Variants in MTA3 observed in about 807,000 individuals in gnomAD.
MTA3 encodes metastasis associated 1 family member 3.
MTA3 carries 34 observed loss-of-function variants against 83.5 expected under a neutral mutation model. The ratio of observed to expected loss-of-function variants is 0.41; its 90% CI spans 0.31 to 0.54. MTA3 has a LOEUF of 0.54. MTA3 is among the 20% of genes least tolerant of loss of function. The pLI is 0.33. For synonymous variants in MTA3, 303 were observed against 252.7 expected (o/e 1.20, Z -1.89); for missense variants, 761 against 726.4 (o/e 1.05, Z -0.55).
At chr2:42,525,947 A>C (rs554806649) in intron 2 of MTA3, among the ~76,000 whole-genome samples, 29 of 151,862 alleles carry the variant, frequency 1.9e-4, no homozygotes, top group African/African-American at 6.3e-4. Context: ...GGCATGAGCC[A>C]CCGCGCCTGC....
intron 6 of MTA3, 27 bp from the exon 7 acceptor site, chr2:42,656,173 G>T: frequency 2.0e-6 from 3 of 1,537,364 alleles, no homozygotes; most frequent in Non-Finnish European, 2.7e-6. Flanking sequence ...TCAGTAACAA[G>T]ACTCCATTTT....
In MTA3 at chr2:42,570,448, T is replaced by C; in HGVS notation, c.40T>C (p.Phe14Leu). The change falls in exon 2 of 17, where the codon TTT becomes CTT. Residue 14 changes from phenylalanine to leucine, a missense_variant. Phe to Leu is a conservative substitution (Grantham distance 22). Transcript: ENST00000405094. Reference protein sequence around the residue: ...NMYRVGDYVYFENSSSNPYLI... With the variant: ...NMYRVGDYVYLENSSSNPYLI... Reference sequence around the variant, plus strand: ...TCCTTTAATTACAGATTATGTCTACTTTGAGAATTCCTCCAGCAACCCATA... The same window carrying C: ...TCCTTTAATTACAGATTATGTCTACCTTGAGAATTCCTCCAGCAACCCATA... The C allele has an allele frequency of 6.5e-7, 1 of 1,539,594 alleles. No individual in the cohort carries two copies. The highest frequency in any genetic ancestry group is 8.8e-7 in the Non-Finnish European group (1 of 1,133,666).
intron 2 of MTA3, among the ~76,000 whole-genome samples, chr2:42,495,547 A>T (rs1176283931): frequency 6.6e-6 from 1 of 152,286 alleles, no homozygotes; most frequent in Non-Finnish European, 1.5e-5. Flanking sequence ...TTCAAGACAG[A>T]ATTGGAGGTG....
chr2:42,602,453 C>G (rs148113695), intron 3 of MTA3, among the ~76,000 whole-genome samples: 5 of 152,316 alleles, frequency 3.3e-5, no homozygotes, highest in African/African-American at 9.6e-5. Context: ...AAACTTGTCA[C>G]AGAAATTTTA....
intron 2 of MTA3, among the ~76,000 whole-genome samples, chr2:42,522,634 CA>C (rs1376335452): frequency 6.6e-6 from 1 of 151,516 alleles, no homozygotes; most frequent in Non-Finnish European, 1.5e-5. Flanking sequence ...CATCTCTACA[CA>C]AAAAAATAAA....
At chr2:42,594,715 T>TAC (rs1681504993) in intron 3 of MTA3, among the ~76,000 whole-genome samples, 2 of 39,638 alleles carry the variant, frequency 5.0e-5, no homozygotes, top group Non-Finnish European at 8.0e-5. Flanking sequence ...CATATATATA[T>TAC]ATATATATAT....
chr2:42,495,912 A>G (rs1674108777), intron 2 of MTA3, among the ~76,000 whole-genome samples: 1 of 152,164 alleles, frequency 6.6e-6, no homozygotes, highest in Non-Finnish European at 1.5e-5. Flanking sequence ...GGTCTTGAAG[A>G]TGGATTTGTT....
At chr2:42,505,110 G>A (rs570695633) in intron 2 of MTA3, among the ~76,000 whole-genome samples, 66 of 152,232 alleles carry the variant, frequency 4.3e-4, no homozygotes, top group African/African-American at 1.6e-3. Context: ...GAGATGAGAT[G>A]GGGTGGGACG....
Position 42,754,276 on chromosome 2 carries a change from C to T in MTA3, c.*877C>T, listed in dbSNP as rs1013053331. 3 of 985,390 alleles carry T rather than the reference C, an allele frequency of 3.0e-6. No individual in the cohort carries two copies. Among genetic ancestry groups the T allele is most frequent in the Non-Finnish European group, 3.6e-6 (3 of 829,942 alleles). 61.0% of individuals were successfully genotyped at this position (985,390 alleles called of 1,614,324 possible). On this transcript the variant is annotated 3_prime_UTR_variant, in exon 17 of 17. Transcript: ENST00000405094. Reference sequence around the variant, plus strand: ...GGGTCCTACAGCAGGTCACAAATGACCTAGTTTCATTTTAAGCAGACAGAC... The same window carrying T: ...GGGTCCTACAGCAGGTCACAAATGATCTAGTTTCATTTTAAGCAGACAGAC...
At chr2:42,638,364 T>G (rs981880372) in intron 4 of MTA3, among the ~76,000 whole-genome samples, 1 of 152,194 alleles carries the variant, frequency 6.6e-6, no homozygotes, top group African/African-American at 2.4e-5. Context: ...CTGTCCGTTA[T>G]GAGAACATGT....
At chr2:42,607,842 T>C (rs1683673693) in intron 3 of MTA3, among the ~76,000 whole-genome samples, 1 of 152,118 alleles carries the variant, frequency 6.6e-6, no homozygotes, top group South Asian at 2.1e-4. Context: ...TCCCAGCTAC[T>C]CAGGAGGCTG....
intron 4 of MTA3, among the ~76,000 whole-genome samples, chr2:42,632,760 C>A (rs1339719116): frequency 1.3e-5 from 2 of 152,060 alleles, no homozygotes; most frequent in African/African-American, 4.8e-5. Context: ...TTTTATTAAG[C>A]CCAAACTTCT....
At chr2:42,735,095 G>A (rs1668514690) in intron 16 of MTA3, among the ~76,000 whole-genome samples, 1 of 152,068 alleles carries the variant, frequency 6.6e-6, no homozygotes, top group Non-Finnish European at 1.5e-5. Flanking sequence ...GCTCATTAAT[G>A]TCTTTTTCTT....
chr2:42,542,470 A>T (rs6544560), intron 2 of MTA3, among the ~76,000 whole-genome samples: 1 of 152,136 alleles, frequency 6.6e-6, no homozygotes. Flanking sequence ...TTGACACTCA[A>T]TATTAACCGT....
intron 5 of MTA3, among the ~76,000 whole-genome samples, chr2:42,642,684 C>A (rs1299321276): frequency 6.7e-6 from 1 of 149,576 alleles, no homozygotes; most frequent in Non-Finnish European, 1.5e-5. Flanking sequence ...CACTCTTGTC[C>A]CCCAGGCTGG....
At chr2:42,516,290 A>G (rs756345179) in intron 2 of MTA3, among the ~76,000 whole-genome samples, 7 of 152,182 alleles carry the variant, frequency 4.6e-5, no homozygotes, top group Non-Finnish European at 1.0e-4. Flanking sequence ...TTTTGACCGC[A>G]CTTGGATTTT....
chr2:42,510,743 C>T (rs1480198610), intron 2 of MTA3, among the ~76,000 whole-genome samples: 9 of 152,132 alleles, frequency 5.9e-5, no homozygotes, highest in Admixed American at 1.3e-4. Context: ...GGGGAAGAAG[C>T]GTTCCAGCAA....
intron 4 of MTA3, among the ~76,000 whole-genome samples, chr2:42,621,782 C>T (rs1404523325): frequency 6.7e-6 from 1 of 149,070 alleles, no homozygotes; most frequent in African/African-American, 2.5e-5. Context: ...TCAGACGGGG[C>T]GGCTGGGCAG....
At chr2:42,594,748 A>G (rs1681550661) in intron 3 of MTA3, among the ~76,000 whole-genome samples, 1 of 20,340 alleles carries the variant, frequency 4.9e-5, no homozygotes, top group Non-Finnish European at 8.2e-5. Context: ...TTTTTTTGAG[A>G]CAGAGTCTCA....
Sources: gnomAD v4.1 joint callset for allele counts (sites outside exome capture counted in the v4.1 genomes callset) on GRCh38, gnomAD v4.1.1 for gene constraint, MANE v1.5 for transcripts, NCBI Gene and HGNC (gene_info 2026-07-23, HGNC 2026-07-21) for gene names.